Variants in MCM3AP observed in about 807,000 individuals in gnomAD.
MCM3AP encodes the protein germinal-center associated nuclear protein.
MCM3AP carries 126 observed loss-of-function variants against 184.1 expected under a neutral mutation model. The ratio of observed to expected loss-of-function variants is 0.68; its 90% CI spans 0.59 to 0.79. MCM3AP has a LOEUF of 0.79. MCM3AP is among the 30% of genes least tolerant of loss of function. The pLI is 0.00. For synonymous variants in MCM3AP, 1,002 were observed against 979.3 expected (o/e 1.02, Z -0.43); for missense variants, 2,496 against 2,479.2 (o/e 1.01, Z -0.14).
rs1569045515 is a variant in MCM3AP at position 46,235,436 on chromosome 21, T to TA, written c.5785-11dup. ...CCCTCATCATGTCACTCTATTTGAA[T>TA]AAAAAAGAAACTGAACAGTTTTGGG... On this transcript the variant is annotated splice_polypyrimidine_tract_variant and intron_variant, in intron 27 of 27. Coordinates refer to ENST00000291688, the MANE Select transcript of MCM3AP (RefSeq NM_003906.5). 1 of 1,613,406 alleles carries TA rather than the reference T, an allele frequency of 6.2e-7. No individual in the cohort carries two copies. The highest frequency in any genetic ancestry group is 1.7e-5 in the Admixed American group (1 of 59,948).
Position 46,283,771 on chromosome 21 carries a change from C to G in MCM3AP, c.1287G>C (p.Leu429Phe), listed in dbSNP as rs139470487. The G allele has an allele frequency of 6.2e-7, 1 of 1,614,140 alleles. No individual in the cohort carries two copies. ...GGATGGCTGTGACTTCAGAGGGAGA[C>G]AAGCCCCCAAGACTGTCTGTGCTCT... ...RSESTDSLGG[L>F]SPSEVTAIQC... Residue 429 changes from leucine (L) to phenylalanine (F), a missense_variant, in exon 2 of 28, where the codon TTG becomes TTC. Transcript: ENST00000291688.
At chr21:46,269,318 T>G (rs1335340756) in intron 9 of MCM3AP, among the ~76,000 whole-genome samples, 1 of 152,032 alleles carries the variant, frequency 6.6e-6, no homozygotes, top group African/African-American at 2.4e-5. Flanking sequence ...GGCCTCCCTA[T>G]GTTGCCCAGG....
At position 46,244,936 on chromosome 21, in the gene MCM3AP, C is replaced by T. The variant is rs2080738593; in HGVS notation, c.4909G>A (p.Glu1637Lys). 1 of 1,614,118 alleles carries T rather than the reference C, an allele frequency of 6.2e-7. No homozygotes were observed. The highest frequency in any genetic ancestry group is 8.5e-7 in the Non-Finnish European group (1 of 1,180,058). The change falls in exon 23 of 28, where the codon GAG (glutamate) becomes AAG (lysine). Residue 1637 changes from glutamate (E) to lysine (K), a missense_variant. Around this residue, in one of 5 missense-constraint regions of MCM3AP, gnomAD observed 1,323 missense variants for 1,273.4 expected, o/e 1.04. Coordinates refer to ENST00000291688, the MANE Select transcript of MCM3AP (RefSeq NM_003906.5). ...CGGCTGCCCCCTGCCTCAGCAAACT[C>T]AGTGACAGGCCAGGACAGGTCACAC... ...QLCDLSWPVT[E>K]FAEAGGSRLL...
intron 2 of MCM3AP, among the ~76,000 whole-genome samples, chr21:46,281,107 C>CT (rs1037371567): frequency 6.6e-6 from 1 of 151,950 alleles, no homozygotes. Flanking sequence ...CGCCCGGCCC[C>CT]TTTTTTTTAA....
At chr21:46,281,244 G>A (rs1484359024) in intron 2 of MCM3AP, among the ~76,000 whole-genome samples, 1 of 152,196 alleles carries the variant, frequency 6.6e-6, no homozygotes, top group Non-Finnish European at 1.5e-5. Flanking sequence ...ACAAAAGGGA[G>A]CTGCAGAATA....
chr21:46,258,733 T>C lies in MCM3AP; in HGVS notation c.3734+206A>G, dbSNP rs3788254. On this transcript the variant is annotated intron_variant, in intron 16 of 27. Coordinates refer to ENST00000291688, the MANE Select transcript of MCM3AP (RefSeq NM_003906.5). ...CTAACTCCTGACTTTTCCCCTTATA[T>C]TGTATGTGTGTGTGTGTGTGTGTGT... is the stretch of plus-strand genomic sequence containing the variant. Among the ~76,000 whole-genome samples, 39 of 72,336 alleles carry C rather than the reference T, an allele frequency of 5.4e-4. No homozygotes were observed. The East Asian group carries it at 0.013, about 24-fold the overall frequency. 47.5% of individuals were successfully genotyped at this position (72,336 alleles called of 152,430 possible).
chr21:46,257,457 C>CA (rs371185666), intron 16 of MCM3AP, among the ~76,000 whole-genome samples: 134,107 of 134,112 alleles, frequency 1, 67,051 homozygotes, highest in Middle Eastern at 1. Context: ...GCTGTGTGTA[C>CA]CAGCAAGGCT....
chr21:46,261,726 C>CT (rs2081044203), intron 13 of MCM3AP, among the ~76,000 whole-genome samples: 2 of 111,580 alleles, frequency 1.8e-5, no homozygotes, highest in African/African-American at 7.7e-5. Flanking sequence ...CAGCGAGACT[C>CT]TGTCTCAAAA....
At chr21:46,266,512 A>G in intron 10 of MCM3AP, 1 of 240,224 alleles carries the variant, frequency 4.2e-6, no homozygotes. Flanking sequence ...GTGAGGAGTT[A>G]GAGGAGACAG....
Position 46,264,227 on chromosome 21 carries a change from G to T in MCM3AP, c.3235-10C>A, listed in dbSNP as rs748954300. 2.5e-6 allele frequency: 4 copies of T among 1,575,636 alleles called. No individual in the cohort carries two copies. Among genetic ancestry groups the T allele is most frequent in the African/African-American group, 1.3e-5 (1 of 74,082 alleles). ...CCACCTGCGCCAGGTCCTGTGGAGA[G>T]ACCAGCATGGGGTGTAATGGAACGT... On this transcript the variant is annotated splice_polypyrimidine_tract_variant and intron_variant, in intron 12 of 27. Transcript: ENST00000291688.
intron 23 of MCM3AP, 118 bp downstream of exon 23, chr21:46,244,689 G>T: frequency 1.9e-6 from 2 of 1,074,498 alleles, no homozygotes; most frequent in Admixed American, 2.4e-5. Flanking sequence ...GACACACGGA[G>T]GTGGACGTGC....
At chr21:46,260,179 CAG>C (rs2081023878) in intron 15 of MCM3AP, among the ~76,000 whole-genome samples, 1 of 152,038 alleles carries the variant, frequency 6.6e-6, no homozygotes. Flanking sequence ...CCTAGAAAGA[CAG>C]GGTAAAAAGA....
intron 20 of MCM3AP, chr21:46,250,052 G>A (rs1251463499): frequency 1.3e-5 from 2 of 152,946 alleles, no homozygotes; most frequent in Non-Finnish European, 2.9e-5. Context: ...GATGGATCAA[G>A]TGAAGTGACA....
intron 6 of MCM3AP, 42 bp from the exon 7 acceptor site, chr21:46,273,627 C>G (rs994267918): frequency 1.8e-5 from 28 of 1,556,294 alleles, no homozygotes; most frequent in Non-Finnish European, 2.5e-5. Flanking sequence ...TGTGGCATAC[C>G]TTGGGCCAGG....
chr21:46,280,040 A>AAG lies in MCM3AP; in HGVS notation c.1618_1619dup (p.Gly541LeufsTer14), dbSNP rs1249106600. 1 of 1,614,156 alleles carries AAG rather than the reference A, an allele frequency of 6.2e-7. No homozygotes were observed. Among genetic ancestry groups the AAG allele is most frequent in the Admixed American group, 1.7e-5 (1 of 59,998 alleles). ...CACCAGTCCTCCCTGCGGCCTTGCC[A>AAG]AGAGGAGAGTGCTGAAAGGGTGCAT... On this transcript the variant is annotated frameshift_variant, in exon 4 of 28. Transcript: ENST00000291688. LOFTEE classifies it high-confidence loss of function.
In MCM3AP at chr21:46,283,603, G is replaced by T; in HGVS notation, c.1443+12C>A. The stretch of plus-strand genomic sequence containing the variant: ...AATCTAGGGTAACAAATGGCAAGAT[G>T]GGAGTACTCACATGATCAAAGAAAT... On this transcript the variant is annotated intron_variant, in intron 2 of 27. Coordinates refer to ENST00000291688, the MANE Select transcript of MCM3AP (RefSeq NM_003906.5). The T allele has an allele frequency of 2.5e-6, 4 of 1,575,484 alleles. No individual in the cohort carries two copies. Among genetic ancestry groups the T allele is most frequent in the Non-Finnish European group, 3.5e-6 (4 of 1,145,158 alleles).
rs114038472 is a variant in MCM3AP at position 46,269,260 on chromosome 21, C to A, written c.2628+1141G>T. Among the ~76,000 whole-genome samples, 1,463 of 151,944 alleles carry A rather than the reference C, an allele frequency of 9.6e-3. 30 individuals are homozygous for A. The highest frequency in any genetic ancestry group is 0.034 in the African/African-American group (1,411 of 41,454). ...TCCTGAGTAGCTGGGACTACAGGAGCATCCCACCACACCTGCCTGGCTTTT... is the reference window on the plus strand; with the variant it reads ...TCCTGAGTAGCTGGGACTACAGGAGAATCCCACCACACCTGCCTGGCTTTT... On this transcript the variant is annotated intron_variant, in intron 9 of 27. Transcript: ENST00000291688.
intron 5 of MCM3AP, among the ~76,000 whole-genome samples, chr21:46,276,330 AATGAT>A (rs971164072): frequency 2.6e-5 from 4 of 152,174 alleles, no homozygotes; most frequent in African/African-American, 9.6e-5. Context: ...TCACTGTATC[AATGAT>A]ATGATGTTTG....
chr21:46,253,511 CT>C (rs1376935211), intron 19 of MCM3AP: 1 of 152,200 alleles, frequency 6.6e-6, no homozygotes, highest in Non-Finnish European at 1.5e-5. Flanking sequence ...TGGAATCCCC[CT>C]GGCTGTTCTC....
Sources: gnomAD v4.1 joint callset for allele counts (sites outside exome capture counted in the v4.1 genomes callset) on GRCh38, gnomAD v4.1.1 for gene constraint, gnomAD v4.1.1 regional missense constraint, MANE v1.5 for transcripts, NCBI Gene and HGNC (gene_info 2026-07-23, HGNC 2026-07-21) for gene names.